Variants in LIG1 observed in about 807,000 individuals in gnomAD.
LIG1 encodes the protein DNA ligase 1, also known as ligase I, DNA, ATP-dependent.
Under a neutral mutation model 115.7 loss-of-function variants are expected in LIG1, and 70 were observed. The ratio of observed to expected loss-of-function variants is 0.60; its 90% CI spans 0.50 to 0.74. The LOEUF (loss-of-function observed/expected upper bound fraction) is 0.74, where lower values mean the gene tolerates loss of function less well. Among genes scored for constraint, LIG1 ranks in the 30% least tolerant of loss-of-function variants. The pLI is 0.00. For missense variants in LIG1, 1,115 were observed against 1,225.6 expected (o/e 0.91, Z 1.35); for synonymous variants, 487 against 495.3 (o/e 0.98, Z 0.22).
At chr19:48,165,733 T>G in intron 1 of LIG1, 110 bp from the exon 2 acceptor site, 1 of 865,210 alleles carries the variant, frequency 1.2e-6, no homozygotes, top group Non-Finnish European at 1.9e-6. Flanking sequence ...GAAACATGAA[T>G]TTCCCCTTCA....
At chr19:48,156,877 G>T in intron 5 of LIG1, 137 bp downstream of exon 5, 1 of 698,174 alleles carries the variant, frequency 1.4e-6, no homozygotes, top group Non-Finnish European at 2.2e-6. Flanking sequence ...GGAGGCGGAG[G>T]TCAGTGAGCC....
intron 1 of LIG1, among the ~76,000 whole-genome samples, chr19:48,168,521 G>A (rs561324159): frequency 2.0e-5 from 3 of 152,222 alleles, no homozygotes; most frequent in Admixed American, 6.5e-5. Flanking sequence ...CTATCGGAAC[G>A]GCAACCCCAC....
At chr19:48,152,732 A>G (rs1236263366) in intron 6 of LIG1, among the ~76,000 whole-genome samples, 2 of 152,220 alleles carry the variant, frequency 1.3e-5, no homozygotes, top group African/African-American at 4.8e-5. Flanking sequence ...TTGCAATGAC[A>G]TTGCATCTCT....
intron 1 of LIG1, chr19:48,169,774 C>T (rs1466880527): frequency 1.3e-5 from 2 of 155,684 alleles, no homozygotes; most frequent in Admixed American, 6.6e-5. Flanking sequence ...GGCACCTCCC[C>T]CTTCCAGGTG....
chr19:48,161,451 C>A lies in LIG1; in HGVS notation c.164G>T (p.Arg55Met). ...VVSESDSPVK[R>M]PGRKAARVLG... is the part of the protein sequence containing the mutation. ...GACCCGGGCCGCCTTCCTCCCTGGCCTCTTCACCGGAGAGTCACTCTCGGA... is the reference window on the plus strand; with the variant it reads ...GACCCGGGCCGCCTTCCTCCCTGGCATCTTCACCGGAGAGTCACTCTCGGA... Residue 55 changes from arginine to methionine, a missense_variant, in exon 4 of 28, where the codon AGG (arginine) becomes ATG (methionine). Physicochemically the swap from Arg to Met is moderately conservative, Grantham distance 91 (BLOSUM62 -1). Coordinates refer to ENST00000263274, the MANE Select transcript of LIG1 (RefSeq NM_000234.3). The A allele has an allele frequency of 6.2e-7, 1 of 1,614,194 alleles. No individual in the cohort carries two copies. The highest frequency in any genetic ancestry group is 8.5e-7 in the Non-Finnish European group (1 of 1,180,036).
intron 1 of LIG1, among the ~76,000 whole-genome samples, chr19:48,169,181 T>C (rs1171133234): frequency 6.6e-6 from 1 of 152,186 alleles, no homozygotes; most frequent in African/African-American, 2.4e-5. Flanking sequence ...GTGAACACAT[T>C]AGCGGTTGCC....
chr19:48,157,739 G>A (rs890995841), intron 4 of LIG1, among the ~76,000 whole-genome samples: 18 of 152,088 alleles, frequency 1.2e-4, no homozygotes, highest in African/African-American at 4.3e-4. Flanking sequence ...TAGAGATGGG[G>A]CTTCACCACG....
chr19:48,131,305 G>A lies in LIG1; in HGVS notation c.1726-134C>T, dbSNP rs570970336. 3.5e-5 allele frequency: 24 copies of A among 683,478 alleles called. No homozygotes were observed. The Middle Eastern group carries it at 7.1e-4, about 20-fold the overall frequency. The allele number at this position is 683,478 out of a possible 1,614,324, so 42.3% of individuals were successfully genotyped here. ...GAGGAACTGGTGCAGAGACTTGAGC[G>A]AATCATCTCCTCAGTTCCAACAGCA... is the stretch of plus-strand genomic sequence containing the variant. On this transcript the variant is annotated intron_variant, in intron 18 of 27. Coordinates refer to ENST00000263274, the MANE Select transcript of LIG1 (RefSeq NM_000234.3).
At chr19:48,140,260 G>C in intron 11 of LIG1, 117 bp from the exon 12 acceptor site, 1 of 712,160 alleles carries the variant, frequency 1.4e-6, no homozygotes, top group Non-Finnish European at 2.4e-6. Flanking sequence ...AAGAGGAAAG[G>C]GCTCAGAACA....
intron 4 of LIG1, chr19:48,161,065 A>G (rs1031964116): frequency 1.7e-5 from 7 of 421,136 alleles, no homozygotes; most frequent in Non-Finnish European, 3.1e-5. Flanking sequence ...ATCAGGCATT[A>G]TTCTCAGATC....
intron 20 of LIG1, chr19:48,127,701 C>G (rs577373283): frequency 1.5e-6 from 1 of 651,150 alleles, no homozygotes; most frequent in South Asian, 1.7e-5. Flanking sequence ...CAGAGATGCC[C>G]GAAAAGGGCC....
intron 3 of LIG1, among the ~76,000 whole-genome samples, chr19:48,161,967 T>A (rs2036206445): frequency 1.3e-5 from 2 of 151,836 alleles, no homozygotes; most frequent in South Asian, 4.2e-4. Flanking sequence ...TGTCTTCTAC[T>A]TAGATGAGAC....
intron 24 of LIG1, among the ~76,000 whole-genome samples, chr19:48,119,857 A>G (rs2033147560): frequency 1.3e-5 from 2 of 152,100 alleles, no homozygotes; most frequent in Non-Finnish European, 2.9e-5. Flanking sequence ...TCCAATGTTA[A>G]CACTGCCAAG....
intron 1 of LIG1, chr19:48,169,804 T>G (rs2036682430): frequency 8.2e-6 from 1 of 122,396 alleles, no homozygotes; most frequent in African/African-American, 3.3e-5. Context: ...ACACGCAATC[T>G]TTTCCCCGGC....
At chr19:48,115,993 G>A (rs749699872) in intron 26 of LIG1, 28 bp from the exon 27 acceptor site, 42 of 1,569,480 alleles carry the variant, frequency 2.7e-5, no homozygotes, top group Middle Eastern at 1.9e-4. Context: ...AGACTCCTGC[G>A]GTCCAGCCCC....
intron 20 of LIG1, 25 bp from the exon 21 acceptor site, chr19:48,127,373 G>C (rs112824402): frequency 6.9e-6 from 11 of 1,603,616 alleles, no homozygotes; most frequent in Non-Finnish European, 9.4e-6. Context: ...AACGGAGTTC[G>C]TGAGTGCAGG....
intron 10 of LIG1, 74 bp downstream of exon 10, chr19:48,143,809 C>G: frequency 2.2e-6 from 3 of 1,348,044 alleles, no homozygotes; most frequent in Non-Finnish European, 3.2e-6. Flanking sequence ...TTCTCCCAAC[C>G]AAGACTCTGC....
intron 21 of LIG1, chr19:48,123,640 C>T (rs922380259): frequency 6.3e-5 from 24 of 379,452 alleles, no homozygotes; most frequent in Non-Finnish European, 1.0e-4. Context: ...TTTTTTGAGA[C>T]GGAATCTCGC....
chr19:48,150,084 T>G lies in LIG1; in HGVS notation c.697+4A>C. 6.2e-7 allele frequency: 1 copy of G among 1,614,106 alleles called. No homozygotes were observed. The highest frequency in any genetic ancestry group is 8.5e-7 in the Non-Finnish European group (1 of 1,180,004). ...GGGAGGTGGGGTGAGCAAGGGAAAC[T>G]CACTGAAGAAGCTGCTGAGCGTCTT... On this transcript the variant is annotated splice_donor_region_variant and intron_variant, in intron 8 of 27. Transcript: ENST00000263274.
Sources: allele counts gnomAD v4.1 joint callset (sites outside exome capture counted in the v4.1 genomes callset), GRCh38; gene constraint gnomAD v4.1.1; transcripts MANE v1.5; gene names NCBI Gene and HGNC (gene_info 2026-07-23, HGNC 2026-07-21).